ANKS1B: variants seen among roughly 807,000 people sequenced by gnomAD.
The protein encoded by ANKS1B is ankyrin repeat and sterile alpha motif domain containing 1B.
A neutral mutation model predicts 148.3 loss-of-function variants in ANKS1B; 36 were observed. The observed-to-expected ratio is 0.24, with a 90% confidence interval of 0.19 to 0.32. The LOEUF (loss-of-function observed/expected upper bound fraction) is 0.32. Ranked by LOEUF, ANKS1B falls within the 10% of genes least tolerant of loss-of-function variation. The pLI is 1.00. For missense variants in ANKS1B, 1,157 were observed against 1,542.6 expected, an observed-to-expected ratio of 0.75 and a Z score of 4.19; for synonymous variants, 542 against 560.8, an observed-to-expected ratio of 0.97 and a Z score of 0.47.
chr12:99,181,247 C>A (rs2079078855), intron 14 of ANKS1B, among the ~76,000 whole-genome samples: 1 of 146,252 alleles, frequency 6.8e-6, no homozygotes, highest in Admixed American at 6.8e-5. Flanking sequence ...GAAGCCTTGG[C>A]TTTTTTTTTT....
intron 9 of ANKS1B, among the ~76,000 whole-genome samples, chr12:99,614,656 G>GT (rs1054117215): frequency 2.0e-5 from 3 of 151,562 alleles, no homozygotes; most frequent in Non-Finnish European, 4.4e-5. Flanking sequence ...ATTGAAAATG[G>GT]TTTTTTTTAC....
At chr12:99,341,551 C>A (rs1048465407) in intron 12 of ANKS1B, among the ~76,000 whole-genome samples, 5 of 152,216 alleles carry the variant, frequency 3.3e-5, no homozygotes. Context: ...TTCCCTTCTG[C>A]ATCTAAATTT....
chr12:99,307,591 A>T (rs1011925359), intron 12 of ANKS1B, among the ~76,000 whole-genome samples: 2 of 152,080 alleles, frequency 1.3e-5, no homozygotes, highest in Non-Finnish European at 2.9e-5. Flanking sequence ...GAGAAGGAAG[A>T]GGCAAAGAAG....
chr12:99,690,192 T>C (rs2098671663), intron 8 of ANKS1B, among the ~76,000 whole-genome samples: 1 of 152,106 alleles, frequency 6.6e-6, no homozygotes, highest in Non-Finnish European at 1.5e-5. Flanking sequence ...GCCGCCATAA[T>C]CTAATTACCT....
chr12:99,893,109 T>C (rs1002146221), intron 1 of ANKS1B, among the ~76,000 whole-genome samples: 1 of 151,832 alleles, frequency 6.6e-6, no homozygotes, highest in Non-Finnish European at 1.5e-5. Context: ...AGGGGGTTGA[T>C]TTAAAAATTG....
In ANKS1B at chr12:99,389,023, CT is replaced by C. The variant is rs67927842; in HGVS notation, c.1756+10607del. 3.7e-3 allele frequency among the ~76,000 whole-genome samples: 566 copies of C among 152,208 alleles called. 35 individuals carry two copies. In the East Asian group the frequency reaches 0.086, roughly 23 times the overall value. On this transcript the variant is annotated intron_variant, in intron 12 of 26. Transcript: ENST00000683438. ...CATTGGCTAGTAGCAAGTTATGGGC[CT>C]CACACACACTCAAAAGAAGGACCTC... is the stretch of plus-strand genomic sequence containing the variant.
At chr12:99,750,009 C>T (rs2060953674) in intron 8 of ANKS1B, among the ~76,000 whole-genome samples, 1 of 151,990 alleles carries the variant, frequency 6.6e-6, no homozygotes, top group Non-Finnish European at 1.5e-5. Flanking sequence ...AAAGTAATTG[C>T]TGACTTGTCC....
chr12:99,466,240 C>T (rs1205636069), intron 10 of ANKS1B, among the ~76,000 whole-genome samples: 7 of 152,140 alleles, frequency 4.6e-5, no homozygotes, highest in South Asian at 2.1e-4. Context: ...TTGAAACCAA[C>T]GAAAACAAAG....
chr12:99,062,175 C>T (rs112131238), intron 16 of ANKS1B, among the ~76,000 whole-genome samples: 11 of 152,258 alleles, frequency 7.2e-5, no homozygotes, highest in African/African-American at 2.4e-4. Context: ...TATCTGACCT[C>T]GAGCAAATCA....
At chr12:99,913,771 A>G (rs757987008) in intron 1 of ANKS1B, among the ~76,000 whole-genome samples, 1 of 152,198 alleles carries the variant, frequency 6.6e-6, no homozygotes, top group South Asian at 2.1e-4. Flanking sequence ...ATCAAATCAC[A>G]TTTCAAATGG....
intron 12 of ANKS1B, among the ~76,000 whole-genome samples, chr12:99,329,597 G>A (rs1453337526): frequency 6.6e-6 from 1 of 151,526 alleles, no homozygotes; most frequent in African/African-American, 2.4e-5. Flanking sequence ...CCACATTCTG[G>A]TCAACAAATG....
At chr12:99,864,995 G>A (rs1473366588) in intron 1 of ANKS1B, among the ~76,000 whole-genome samples, 1 of 152,192 alleles carries the variant, frequency 6.6e-6, no homozygotes, top group Admixed American at 6.5e-5. Context: ...TTTGCCTAGT[G>A]ATCTTTTCCA....
intron 14 of ANKS1B, among the ~76,000 whole-genome samples, chr12:99,163,719 T>C (rs2076927282): frequency 6.6e-6 from 1 of 152,186 alleles, no homozygotes. Flanking sequence ...TAAAATCATA[T>C]ATTATGTAAC....
chr12:99,059,309 TG>T (rs2041533656), intron 16 of ANKS1B, among the ~76,000 whole-genome samples: 1 of 152,234 alleles, frequency 6.6e-6, no homozygotes, highest in East Asian at 1.9e-4. Context: ...ATCTCACATA[TG>T]GCAAGCATAT....
At chr12:99,913,506 T>A (rs1029410451) in intron 1 of ANKS1B, among the ~76,000 whole-genome samples, 13 of 152,040 alleles carry the variant, frequency 8.6e-5, no homozygotes, top group African/African-American at 1.7e-4. Context: ...AGAAAAAAAA[T>A]TTAATTTTCT....
Position 98,880,805 on chromosome 12 carries a change from A to G in ANKS1B, c.2779-48669T>C, listed in dbSNP as rs186261775. ...ATAAATAAAAATAAAAAATAAAACA[A>G]CAACAACAACAACAACAAGATGGGT... On this transcript the variant is annotated intron_variant, in intron 17 of 26. Coordinates refer to ENST00000683438, the MANE Select transcript of ANKS1B (RefSeq NM_001352186.2). Among the ~76,000 whole-genome samples, 1,439 of 152,092 alleles carry G rather than the reference A, an allele frequency of 9.5e-3. 17 individuals are homozygous for G. Among genetic ancestry groups the G allele is most frequent in the African/African-American group, 0.033 (1,355 of 41,522 alleles).
chr12:98,855,762 T>A (rs1024292977), intron 17 of ANKS1B, among the ~76,000 whole-genome samples: 10 of 152,074 alleles, frequency 6.6e-5, no homozygotes, highest in South Asian at 4.1e-4. Flanking sequence ...TGATTTTTTT[T>A]AAAAAAACAA....
intron 12 of ANKS1B, among the ~76,000 whole-genome samples, chr12:99,358,963 A>G (rs75294409): frequency 0.017 from 2,596 of 152,260 alleles, 80 homozygotes; most frequent in African/African-American, 0.059. Flanking sequence ...GGGAGAAAGA[A>G]AAGCTTGCCA....
chr12:99,949,755 C>G (rs1452366464), intron 1 of ANKS1B, among the ~76,000 whole-genome samples: 2 of 152,182 alleles, frequency 1.3e-5, no homozygotes, highest in Non-Finnish European at 2.9e-5. Flanking sequence ...AGGGCAAATT[C>G]AACCCACCAT....
Sources: gnomAD v4.1 joint callset for allele counts (sites outside exome capture counted in the v4.1 genomes callset) on GRCh38, gnomAD v4.1.1 for gene constraint, MANE v1.5 for transcripts, NCBI Gene and HGNC (gene_info 2026-07-23, HGNC 2026-07-21) for gene names.